Variants in LRTM3 observed in about 807,000 individuals in gnomAD.
LRTM3 encodes the protein leucine-rich repeat transmembrane protein 3.
chr13:102,732,900 C>G, the LRTM3 span: 1 of 1,551,408 alleles, frequency 6.4e-7, no homozygotes, highest in Non-Finnish European at 8.7e-7. Context: ...TCCTCCAGAT[C>G]CCCTGATTGA....
chr13:102,736,458 C>T, the LRTM3 span: 3 of 1,550,532 alleles, frequency 1.9e-6, no homozygotes, highest in Non-Finnish European at 2.6e-6. Context: ...TCTTTCTTTA[C>T]AAGGCTCTCT....
chr13:102,740,027 T>C, the LRTM3 span: 2 of 1,550,414 alleles, frequency 1.3e-6, no homozygotes, highest in South Asian at 2.4e-5. Context: ...TACGCTATCC[T>C]TCTGTCCTTT....
the LRTM3 span, chr13:102,758,385 A>C: frequency 6.8e-7 from 1 of 1,479,022 alleles, no homozygotes; most frequent in African/African-American, 1.4e-5. Flanking sequence ...TTAGCTTCAA[A>C]ATATTTTTGT....
chr13:102,756,500 G>A, the LRTM3 span, among the ~76,000 whole-genome samples: 21,312 of 150,342 alleles, frequency 0.14, 1,801 homozygotes, highest in East Asian at 0.43. Flanking sequence ...TGGTGAAACC[G>A]CATCTCTACT....
chr13:102,746,767 T>G, the LRTM3 span: 7 of 1,551,188 alleles, frequency 4.5e-6, no homozygotes, highest in African/African-American at 9.6e-5. Context: ...CCATTTCTCT[T>G]GTATCACTTC....
At chr13:102,732,290 C>T in the LRTM3 span, 1 of 1,551,326 alleles carries the variant, frequency 6.4e-7, no homozygotes, top group South Asian at 1.2e-5. Flanking sequence ...GACATCTTTA[C>T]TCCACGAAGC....
the LRTM3 span, chr13:102,734,442 G>C: frequency 1.3e-6 from 2 of 1,551,334 alleles, no homozygotes; most frequent in Non-Finnish European, 1.7e-6. Context: ...ATACCTGGTG[G>C]TTTATCTTGA....
the LRTM3 span, chr13:102,732,239 C>A: frequency 6.4e-7 from 1 of 1,551,258 alleles, no homozygotes; most frequent in Non-Finnish European, 8.7e-7. Flanking sequence ...GTGAGGTGAA[C>A]GCATGATGGA....
At chr13:102,729,795 T>C in the LRTM3 span, 2 of 1,551,908 alleles carry the variant, frequency 1.3e-6, no homozygotes, top group Non-Finnish European at 1.7e-6. Flanking sequence ...CGTTTCCCTT[T>C]GCTGTGTGTA....
At chr13:102,748,767 G>C in the LRTM3 span, 1 of 1,550,148 alleles carries the variant, frequency 6.5e-7, no homozygotes, top group Non-Finnish European at 8.7e-7. Context: ...GTTTCTACTA[G>C]TAAACAAGGT....
chr13:102,730,992 C>G, the LRTM3 span: 3 of 1,551,456 alleles, frequency 1.9e-6, no homozygotes, highest in African/African-American at 1.4e-5. Flanking sequence ...GATTCTCTTA[C>G]AATTCTGGGA....
the LRTM3 span, chr13:102,735,196 C>T: frequency 4.3e-3 from 6,705 of 1,551,232 alleles, 246 homozygotes; most frequent in African/African-American, 0.08. Flanking sequence ...GTAAGACAGG[C>T]GATTTCTTTG....
the LRTM3 span, chr13:102,735,878 G>A: frequency 9.7e-6 from 15 of 1,539,436 alleles, no homozygotes; most frequent in Admixed American, 4.0e-5. Context: ...AGATTTCCTC[G>A]GAACCACTCC....
the LRTM3 span, chr13:102,750,003 C>T: frequency 2.6e-6 from 4 of 1,550,032 alleles, no homozygotes; most frequent in Non-Finnish European, 3.5e-6. Context: ...GGGCAAGGTG[C>T]CACATCTAGA....
At chr13:102,740,931 C>A in the LRTM3 span, 1 of 1,549,990 alleles carries the variant, frequency 6.5e-7, no homozygotes, top group East Asian at 2.4e-5. Context: ...TGTGGATGTT[C>A]TTTTCTTCCT....
the LRTM3 span, chr13:102,741,592 C>T: frequency 6.5e-6 from 10 of 1,550,372 alleles, no homozygotes; most frequent in Non-Finnish European, 8.7e-6. Flanking sequence ...TGGGGCAGGC[C>T]ATAGACCCCA....
chr13:102,742,704 G>A, the LRTM3 span: 2 of 1,550,728 alleles, frequency 1.3e-6, no homozygotes, highest in South Asian at 2.4e-5. Flanking sequence ...GCCTGCAAAG[G>A]TCTACCTTGG....
the LRTM3 span, chr13:102,745,363 C>T: frequency 7.1e-6 from 11 of 1,550,244 alleles, 1 homozygote; most frequent in East Asian, 2.4e-5. Context: ...TTTCTCTTAG[C>T]GTGTCTTTTT....
chr13:102,740,698 T>A, the LRTM3 span: 1 of 1,548,128 alleles, frequency 6.5e-7, no homozygotes, highest in African/African-American at 1.4e-5. Context: ...GAAATAGATC[T>A]GTTTTGGAGT....
Sources: gnomAD v4.1 joint callset for allele counts (sites outside exome capture counted in the v4.1 genomes callset) on GRCh38, gnomAD v4.1.1 for gene constraint, MANE v1.5 for transcripts, NCBI Gene and HGNC (gene_info 2026-07-23, HGNC 2026-07-21) for gene names.